ADCK5: variants seen among roughly 807,000 people sequenced by gnomAD.
ADCK5 encodes aarF domain containing kinase 5, also known as uncharacterized aarF domain-containing protein kinase 5.
ADCK5 carries 43 observed loss-of-function variants against 64.9 expected under a neutral mutation model. That is an observed-to-expected ratio of 0.66 (90% CI 0.52 to 0.85). The LOEUF is 0.85. Among genes scored for constraint, ADCK5 ranks in the 40% least tolerant of loss-of-function variants. The pLI is 0.00. For synonymous variants in ADCK5, 434 were observed against 342.8 expected (o/e 1.27, Z -2.94); for missense variants, 760 against 810.5 (o/e 0.94, Z 0.76).
At position 144,393,010 on chromosome 8, in the gene ADCK5, G is replaced by A. The variant is rs1554861691; in HGVS notation, c.1679G>A (p.Arg560His). ...LAMRLTALLA[R>H]ALVHLSLVPP... ...ATGCGGCTGACCGCCCTCCTGGCTC[G>A]TGCTCTGGTCCACCTGAGCCTCGTG... is the stretch of plus-strand genomic sequence containing the variant. Residue 560 changes from arginine (R) to histidine (H), a missense_variant, in exon 15 of 15, where the codon CGT becomes CAT. Around this residue, in one of 2 missense-constraint regions of ADCK5, gnomAD observed 333 missense variants for 292.0 expected, o/e 1.14. Coordinates refer to ENST00000308860, the MANE Select transcript of ADCK5 (RefSeq NM_174922.5). 1.9e-6 allele frequency: 3 copies of A among 1,590,630 alleles called. No individual in the cohort carries two copies. The highest frequency in any genetic ancestry group is 2.6e-6 in the Non-Finnish European group (3 of 1,172,104).
rs781865438 is a variant in ADCK5 at position 144,391,043 on chromosome 8, G to A, written c.530G>A (p.Arg177Gln). 9.3e-6 allele frequency: 15 copies of A among 1,612,238 alleles called. No homozygotes were observed. Among genetic ancestry groups the A allele is most frequent in the African/African-American group, 4.0e-5 (3 of 74,908 alleles). Residue 177 changes from arginine (R) to glutamine (Q), a missense_variant, in exon 5 of 15, where the codon CGG (arginine) becomes CAG (glutamine). Transcript: ENST00000308860. Reference sequence around the variant, plus strand: ...GTGCTAGAGGACAGGGCCCTCAAGCGGGGCTTCCAGGAGGTGAGTGTGCGC... The same window carrying A: ...GTGCTAGAGGACAGGGCCCTCAAGCAGGGCTTCCAGGAGGTGAGTGTGCGC... ...LRVLEDRALK[R>Q]GFQEVDELFL...
Position 144,391,708 on chromosome 8 carries a change from C to A in ADCK5, c.927C>A (p.Ser309Arg), listed in dbSNP as rs1554860712. Reference protein sequence around the residue: ...VVPRVHWDKSSKRVLTADFCA... With the variant: ...VVPRVHWDKSRKRVLTADFCA... ...CCCGCGTGCACTGGGACAAGTCCAGCAAGGTGGGCTGGGCCAGGCCCTTGG... is the reference window on the plus strand; with the variant it reads ...CCCGCGTGCACTGGGACAAGTCCAGAAAGGTGGGCTGGGCCAGGCCCTTGG... The change falls in exon 8 of 15, where the codon AGC becomes AGA. Residue 309 changes from serine (S) to arginine (R), a missense_variant. By Grantham distance (110) the Ser-to-Arg change is moderately radical. This residue lies in a region of ADCK5 where 427 missense variants were observed against 518.4 expected (regional missense o/e 0.82). Transcript: ENST00000308860. The A allele has an allele frequency of 6.5e-7, 1 of 1,539,426 alleles. No individual in the cohort carries two copies. The highest frequency in any genetic ancestry group is 1.4e-5 in the African/African-American group (1 of 73,236).
intron 2 of ADCK5, 72 bp from the exon 3 acceptor site, chr8:144,383,009 A>AGG: frequency 6.5e-7 from 1 of 1,537,292 alleles, no homozygotes; most frequent in Non-Finnish European, 8.8e-7. Flanking sequence ...GTGCTGGGGG[A>AGG]GGTGGGGGCA....
At position 144,391,179 on chromosome 8, in the gene ADCK5, C is replaced by A. The variant is rs782187937; in HGVS notation, c.589C>A (p.Leu197Ile). ...GGACTTCCAGGCCCTCCCCCACGAG[C>A]TCTTCCAGGAGTTTGACTACCAGCC... ...LEDFQALPHE[L>I]FQEFDYQPIA... The change falls in exon 6 of 15, where the codon CTC (leucine) becomes ATC (isoleucine). Residue 197 changes from leucine (L) to isoleucine (I), a missense_variant. By Grantham distance (5) the Leu-to-Ile change is conservative. This residue lies in a region of ADCK5 where 427 missense variants were observed against 518.4 expected (regional missense o/e 0.82). Coordinates refer to ENST00000308860, the MANE Select transcript of ADCK5 (RefSeq NM_174922.5). 6.2e-7 allele frequency: 1 copy of A among 1,612,284 alleles called. No individual in the cohort carries two copies. The highest frequency in any genetic ancestry group is 1.1e-5 in the South Asian group (1 of 91,090).
intron 12 of ADCK5, 23 bp from the exon 13 acceptor site, chr8:144,392,422 T>G: frequency 4.7e-5 from 25 of 532,722 alleles, no homozygotes; most frequent in African/African-American, 6.1e-5. Context: ...GCCCCCTCCC[T>G]CCCTCCCTCC....
intron 3 of ADCK5, 108 bp downstream of exon 3, chr8:144,383,338 G>T (rs1819764874): frequency 7.2e-7 from 1 of 1,388,746 alleles, no homozygotes; most frequent in Admixed American, 2.9e-5. Flanking sequence ...GTGAGCCTGG[G>T]AGGCCTGCAG....
At chr8:144,373,689 C>T (rs185508298), upstream of ADCK5, 1,145 of 191,220 alleles carry the variant, frequency 6.0e-3, 5 homozygotes, top group Non-Finnish European at 9.4e-3. Context: ...AAGAGATTCA[C>T]GCTAATCACA....
chr8:144,379,483 C>T lies in ADCK5; in HGVS notation c.109C>T (p.Pro37Ser). Residue 37 changes from proline (P) to serine (S), a missense_variant, in exon 2 of 15, where the codon CCT becomes TCT. By Grantham distance (74) the Pro-to-Ser change is moderately conservative (BLOSUM62 -1). This residue lies in a region of ADCK5 where 427 missense variants were observed against 518.4 expected (regional missense o/e 0.82). Coordinates refer to ENST00000308860, the MANE Select transcript of ADCK5 (RefSeq NM_174922.5). Reference sequence around the variant, plus strand: ...CTTCAGGAGAAACGTCAGGGGCCTTCCTCCAAGGTAACGAGTCCTCCACGG... The same window carrying T: ...CTTCAGGAGAAACGTCAGGGGCCTTTCTCCAAGGTAACGAGTCCTCCACGG... ...VFFRRNVRGL[P>S]PRFSSPTPLW... 1 of 1,601,202 alleles carries T rather than the reference C, an allele frequency of 6.2e-7. No individual in the cohort carries two copies. Among genetic ancestry groups the T allele is most frequent in the African/African-American group, 1.3e-5 (1 of 74,624 alleles).
chr8:144,373,970 G>T (rs1296793631), upstream of ADCK5: 1 of 1,112,292 alleles, frequency 9.0e-7, no homozygotes, highest in Non-Finnish European at 1.1e-6. Flanking sequence ...CTCCAGCCTC[G>T]CCCACCGCCC....
Position 144,374,059 on chromosome 8 carries a change from G to T in ADCK5, c.-37G>T, listed in dbSNP as rs1024742969. On this transcript the variant is annotated 5_prime_UTR_variant, in exon 1 of 15. Coordinates refer to ENST00000308860, the MANE Select transcript of ADCK5 (RefSeq NM_174922.5). ...CCTGCTGGGCTGCGAGACGCTAAGC[G>T]GCGCCGGGCGGGAGAAGAGCGGAGC... The T allele has an allele frequency of 1.7e-5, 21 of 1,245,586 alleles. No individual in the cohort carries two copies. The highest frequency in any genetic ancestry group is 4.2e-5 in the Admixed American group (1 of 23,754). 77.2% of individuals were successfully genotyped at this position (1,245,586 alleles called of 1,614,324 possible).
At chr8:144,392,410 G>C (rs1820308332) in intron 12 of ADCK5, 35 bp from the exon 13 acceptor site, 4 of 1,487,916 alleles carry the variant, frequency 2.7e-6, no homozygotes, top group Non-Finnish European at 3.6e-6. Context: ...AACCCACTCA[G>C]AGCCCCCTCC....
rs372440979 is a variant in ADCK5, at chr8:144,391,247, G to A, written c.657G>A (p.Leu219=). The part of the protein sequence containing the change: ...ASLAQVHRAK[L]HDGTSVAVKV... ...TGGCACAGGTGCACAGAGCCAAGCT[G>A]CACGATGGCACCAGCGTGGCTGTGA... The change falls in exon 6 of 15, where the codon CTG becomes CTA. Residue 219 remains leucine, a synonymous_variant. Transcript: ENST00000308860. 10 of 1,612,256 alleles carry A rather than the reference G, an allele frequency of 6.2e-6. No homozygotes were observed. Among genetic ancestry groups the A allele is most frequent in the Admixed American group, 1.7e-5 (1 of 60,012 alleles).
At chr8:144,387,439 C>T (rs1819972393) in intron 3 of ADCK5, among the ~76,000 whole-genome samples, 1 of 152,024 alleles carries the variant, frequency 6.6e-6, no homozygotes, top group Non-Finnish European at 1.5e-5. Context: ...CTTGCTCTGT[C>T]ACTCAGGCTG....
chr8:144,373,174 C>T (rs1337101999), upstream of ADCK5: 2 of 152,574 alleles, frequency 1.3e-5, no homozygotes, highest in African/African-American at 4.8e-5. Flanking sequence ...TTCATGCTCA[C>T]AGTGGGGTCT....
chr8:144,388,806 C>T (rs1299809913), intron 3 of ADCK5, among the ~76,000 whole-genome samples: 1 of 152,032 alleles, frequency 6.6e-6, no homozygotes, highest in African/African-American at 2.4e-5. Context: ...CTAACCCAAG[C>T]ACGCACTCCA....
At position 144,391,429 on chromosome 8, in the gene ADCK5, C is replaced by G. The variant is rs145612468; in HGVS notation, c.753C>G (p.Leu251=). 1.2e-6 allele frequency: 2 copies of G among 1,612,694 alleles called. No individual in the cohort carries two copies. Among genetic ancestry groups the G allele is most frequent in the African/African-American group, 2.7e-5 (2 of 74,940 alleles). The change falls in exon 7 of 15, where the codon CTC becomes CTG. Residue 251 remains leucine, a synonymous_variant. Transcript: ENST00000308860. ...DIHTLELLLR[L]VEVMHPSFGF... Reference sequence around the variant, plus strand: ...ACACCCTGGAGCTCCTGCTGCGGCTCGTTGAGGTCATGCACCCCAGCTTTG... The same window carrying G: ...ACACCCTGGAGCTCCTGCTGCGGCTGGTTGAGGTCATGCACCCCAGCTTTG...
chr8:144,391,479 A>G lies in ADCK5; in HGVS notation c.798+5A>G, dbSNP rs1554860571. ...GGCTTCAGCTGGGTCCTCCAGGTAC[A>G]GCCCCACCCCTTCCCCGGCCAGCAG... On this transcript the variant is annotated splice_donor_5th_base_variant and intron_variant, in intron 7 of 14. Transcript: ENST00000308860. 6.2e-7 allele frequency: 1 copy of G among 1,608,708 alleles called. No individual in the cohort carries two copies. The highest frequency in any genetic ancestry group is 8.5e-7 in the Non-Finnish European group (1 of 1,178,536).
Position 144,393,059 on chromosome 8 carries a change from G to A in ADCK5, c.1728G>A (p.Gln576=). 6.3e-7 allele frequency: 1 copy of A among 1,582,020 alleles called. No homozygotes were observed. The highest frequency in any genetic ancestry group is 8.6e-7 in the Non-Finnish European group (1 of 1,168,522). The change falls in exon 15 of 15, where the codon CAG becomes CAA. Residue 576 remains glutamine (Q), a synonymous_variant. Transcript: ENST00000308860. The stretch of plus-strand genomic sequence containing the variant: ...TGCCCCCAGCGGAGGAGCTCTACCA[G>A]TACCTGGAGACCTAGGGTGCAGCCG... ...SLVPPAEELY[Q]YLET
intron 1 of ADCK5, among the ~76,000 whole-genome samples, chr8:144,375,911 T>C (rs546671263): frequency 1.3e-5 from 2 of 152,320 alleles, no homozygotes; most frequent in Admixed American, 1.3e-4. Flanking sequence ...AGACGGCTTA[T>C]CTTCTGGCAG....
Sources: allele counts gnomAD v4.1 joint callset (sites outside exome capture counted in the v4.1 genomes callset), GRCh38; gene constraint gnomAD v4.1.1; regional missense constraint gnomAD v4.1.1; transcripts MANE v1.5; gene names NCBI Gene and HGNC (gene_info 2026-07-23, HGNC 2026-07-21).